ANKIB1: variants seen among roughly 807,000 people sequenced by gnomAD.
ANKIB1 encodes ankyrin repeat and IBR domain-containing protein 1.
A neutral mutation model predicts 122.1 loss-of-function variants in ANKIB1; 43 were observed. The observed-to-expected ratio is 0.35, with a 90% CI of 0.28 to 0.45. The LOEUF (loss-of-function observed/expected upper bound fraction) is 0.45. ANKIB1 is among the 20% of genes least tolerant of loss of function. The pLI is 1.00. For synonymous variants in ANKIB1, 390 were observed against 442.0 expected (o/e 0.88, Z 1.48); for missense variants, 992 against 1,329.5 (o/e 0.75, Z 3.95).
intron 1 of ANKIB1, among the ~76,000 whole-genome samples, chr7:92,275,612 T>TG (rs1397899979): frequency 1.3e-5 from 2 of 152,102 alleles, no homozygotes; most frequent in African/African-American, 4.8e-5. Flanking sequence ...TGTATTAACC[T>TG]GGAAAAACTG....
intron 9 of ANKIB1, among the ~76,000 whole-genome samples, chr7:92,356,934 A>G (rs1021497611): frequency 6.6e-6 from 1 of 152,242 alleles, no homozygotes; most frequent in African/African-American, 2.4e-5. Context: ...AAAGGGGAGA[A>G]TCATAAAAAT....
intron 10 of ANKIB1, among the ~76,000 whole-genome samples, chr7:92,366,768 A>T (rs1804095000): frequency 6.6e-6 from 1 of 152,200 alleles, no homozygotes; most frequent in Admixed American, 6.5e-5. Context: ...GATTTTACAG[A>T]GGGAGATACC....
chr7:92,343,139 G>A lies in ANKIB1; in HGVS notation c.903G>A (p.Thr301=), dbSNP rs749192724. 1.5e-5 allele frequency: 25 copies of A among 1,613,654 alleles called. 1 individual carries two copies. In the South Asian group the frequency reaches 2.1e-4, roughly 13 times the overall value. ...CAAGTGGGTATAATGCCTGGGACACGCTCCCATCTCCAAGAACTCCAAGGA... is the reference window on the plus strand; with the variant it reads ...CAAGTGGGTATAATGCCTGGGACACACTCCCATCTCCAAGAACTCCAAGGA... ...PPPSGYNAWD[T]LPSPRTPRTT... The change falls in exon 6 of 20, where the codon ACG becomes ACA. Residue 301 remains threonine, a synonymous_variant. Coordinates refer to ENST00000265742, the MANE Select transcript of ANKIB1 (RefSeq NM_019004.2).
intron 6 of ANKIB1, among the ~76,000 whole-genome samples, chr7:92,344,690 G>A (rs1488050451): frequency 6.6e-6 from 1 of 152,102 alleles, no homozygotes; most frequent in Non-Finnish European, 1.5e-5. Flanking sequence ...TTTGTTTCTT[G>A]TACTTCGTTT....
chr7:92,270,017 C>G (rs1454378842), intron 1 of ANKIB1, among the ~76,000 whole-genome samples: 1 of 150,432 alleles, frequency 6.6e-6, no homozygotes, highest in Non-Finnish European at 1.5e-5. Flanking sequence ...CAAGTGATCT[C>G]ATTGTTCAAT....
chr7:92,290,728 G>A (rs924605241), intron 1 of ANKIB1, among the ~76,000 whole-genome samples: 7 of 152,106 alleles, frequency 4.6e-5, no homozygotes, highest in African/African-American at 1.7e-4. Context: ...TTGAGTTTTT[G>A]TTACAGATTA....
chr7:92,277,281 C>T (rs1419657053), intron 1 of ANKIB1, among the ~76,000 whole-genome samples: 1 of 152,162 alleles, frequency 6.6e-6, no homozygotes, highest in Non-Finnish European at 1.5e-5. Context: ...ACAAAGAATT[C>T]ACAATTGTTA....
intron 11 of ANKIB1, among the ~76,000 whole-genome samples, chr7:92,378,252 T>A (rs528348083): frequency 1.3e-5 from 2 of 152,204 alleles, no homozygotes; most frequent in South Asian, 4.1e-4. Flanking sequence ...TTTGGAATAT[T>A]TGCAGTATAC....
chr7:92,346,549 C>T (rs1017662062), intron 7 of ANKIB1, among the ~76,000 whole-genome samples: 5 of 152,184 alleles, frequency 3.3e-5, no homozygotes, highest in Admixed American at 2.6e-4. Flanking sequence ...TCAGAGTCTA[C>T]TTAGATAGGA....
intron 5 of ANKIB1, among the ~76,000 whole-genome samples, chr7:92,338,167 T>TGGC (rs1056461543): frequency 6.6e-6 from 1 of 151,842 alleles, no homozygotes; most frequent in African/African-American, 2.4e-5. Context: ...TTTTAGCACT[T>TGGC]GGGGAGCCAA....
At chr7:92,360,241 C>G (rs533150820) in intron 9 of ANKIB1, among the ~76,000 whole-genome samples, 1 of 152,304 alleles carries the variant, frequency 6.6e-6, no homozygotes, top group African/African-American at 2.4e-5. Context: ...TCTCCTCCCC[C>G]AAGCTGGTAA....
chr7:92,334,580 A>G (rs1248633435), intron 5 of ANKIB1, among the ~76,000 whole-genome samples: 1 of 152,020 alleles, frequency 6.6e-6, no homozygotes, highest in African/African-American at 2.4e-5. Flanking sequence ...ATAAATAAAA[A>G]TGAACTTTTC....
intron 3 of ANKIB1, among the ~76,000 whole-genome samples, chr7:92,316,994 C>G (rs1288334908): frequency 6.6e-6 from 1 of 152,096 alleles, no homozygotes; most frequent in Non-Finnish European, 1.5e-5. Context: ...AAATAATTTT[C>G]TGGGACTCTG....
intron 3 of ANKIB1, among the ~76,000 whole-genome samples, chr7:92,310,436 C>G (rs1294438573): frequency 6.6e-6 from 1 of 152,058 alleles, no homozygotes; most frequent in Non-Finnish European, 1.5e-5. Context: ...AGTATATATA[C>G]TCTTGTCCAA....
chr7:92,324,975 A>G (rs911320670), intron 4 of ANKIB1, among the ~76,000 whole-genome samples: 3 of 152,238 alleles, frequency 2.0e-5, no homozygotes, highest in African/African-American at 7.2e-5. Context: ...GTAAGTGAAC[A>G]TGTAATTTTG....
rs894999003 is a variant in ANKIB1, at chr7:92,246,331, C to A, written c.-279C>A. 4.7e-6 allele frequency: 2 copies of A among 422,142 alleles called. No homozygotes were observed. Among genetic ancestry groups the A allele is most frequent in the East Asian group, 1.7e-4 (2 of 11,950 alleles). 26.1% of individuals were successfully genotyped at this position (422,142 alleles called of 1,614,324 possible). ...GCGCTTCCCGCGGGCCGCCAGTGCGCACCCTCGGCCACATCAGCCTCCGCC... is the reference window on the plus strand; with the variant it reads ...GCGCTTCCCGCGGGCCGCCAGTGCGAACCCTCGGCCACATCAGCCTCCGCC... On this transcript the variant is annotated 5_prime_UTR_variant, in exon 1 of 20. Coordinates refer to ENST00000265742, the MANE Select transcript of ANKIB1 (RefSeq NM_019004.2).
chr7:92,391,801 C>T (rs1245511293), intron 16 of ANKIB1, among the ~76,000 whole-genome samples: 44 of 152,136 alleles, frequency 2.9e-4, no homozygotes, highest in Non-Finnish European at 5.0e-4. Flanking sequence ...ATAAACCCAT[C>T]CACTAAAGAT....
rs79197878 is a variant in ANKIB1 at position 92,379,427 on chromosome 7, A to T, written c.1618-7082A>T. ...ATTCAGAAGTTATACGGCGGGATTA[A>T]GGGGAAGCAAGAATAGGAAGTCTGA... is the stretch of plus-strand genomic sequence containing the variant. On this transcript the variant is annotated intron_variant, in intron 11 of 19. Transcript: ENST00000265742. Among the ~76,000 whole-genome samples, 22 of 152,292 alleles carry T rather than the reference A, an allele frequency of 1.4e-4. No homozygotes were observed. The East Asian group carries it at 4.1e-3, about 28-fold the overall frequency.
At chr7:92,278,456 A>T (rs1028219180) in intron 1 of ANKIB1, among the ~76,000 whole-genome samples, 5 of 152,126 alleles carry the variant, frequency 3.3e-5, no homozygotes, top group Non-Finnish European at 5.9e-5. Context: ...TTCCAAAAAC[A>T]GTTCTGAAAA....
Sources: allele counts gnomAD v4.1 joint callset (sites outside exome capture counted in the v4.1 genomes callset), GRCh38; gene constraint gnomAD v4.1.1; transcripts MANE v1.5; gene names NCBI Gene and HGNC (gene_info 2026-07-23, HGNC 2026-07-21).